The following CTPS1 variants were observed in gnomAD, a reference collection of about 807,000 sequenced individuals.
The protein encoded by CTPS1 is CTP synthase 1.
Under a neutral mutation model 80.5 loss-of-function variants are expected in CTPS1, and 25 were observed. The ratio of observed to expected loss-of-function variants is 0.31; its 90% CI spans 0.23 to 0.43. CTPS1 has a LOEUF of 0.43. Ranked by LOEUF, CTPS1 falls within the 20% of genes least tolerant of loss-of-function variation. CTPS1 has a pLI of 1.00. For synonymous variants in CTPS1, 267 were observed against 252.5 expected, an observed-to-expected ratio of 1.06 and a Z score of -0.54; for missense variants, 442 against 725.7, an observed-to-expected ratio of 0.61 and a Z score of 4.49.
chr1:40,994,646 A>G (rs1642706580), intron 7 of CTPS1, among the ~76,000 whole-genome samples: 1 of 152,092 alleles, frequency 6.6e-6, no homozygotes, highest in African/African-American at 2.4e-5. Context: ...TTCAGTGGCA[A>G]CCGCTTCTTG....
At position 40,988,833 on chromosome 1, in the gene CTPS1, A is replaced by G. The variant is rs1290038053; in HGVS notation, c.555+123A>G. ...TTGAGGTGCAGGAAGCAGAGAATAAAGAACTTTGTAAGTTTAAATTTGTTA... is the reference window on the plus strand; with the variant it reads ...TTGAGGTGCAGGAAGCAGAGAATAAGGAACTTTGTAAGTTTAAATTTGTTA... On this transcript the variant is annotated intron_variant, in intron 5 of 18. Transcript: ENST00000650070. 4.5e-6 allele frequency: 3 copies of G among 670,998 alleles called. No individual in the cohort carries two copies. In the South Asian group the frequency reaches 5.6e-5, roughly 12 times the overall value. 41.6% of individuals were successfully genotyped at this position (670,998 alleles called of 1,614,324 possible). A position where few individuals can be genotyped will look rare whatever the true frequency, so the allele number is the denominator to read the frequency against.
At chr1:40,985,864 CA>C (rs1331632982) in intron 3 of CTPS1, among the ~76,000 whole-genome samples, 1 of 152,082 alleles carries the variant, frequency 6.6e-6, no homozygotes, top group Non-Finnish European at 1.5e-5. Context: ...AAAATGGAGA[CA>C]ATAACAACAC....
At chr1:40,984,777 A>C in intron 2 of CTPS1, 44 bp from the exon 3 acceptor site, 2 of 1,389,624 alleles carry the variant, frequency 1.4e-6, no homozygotes, top group Non-Finnish European at 1.9e-6. Flanking sequence ...GCCATGGTAT[A>C]GGTATTTTTC....
At chr1:41,003,583 A>C (rs1274778675) in intron 12 of CTPS1, among the ~76,000 whole-genome samples, 1 of 152,222 alleles carries the variant, frequency 6.6e-6, no homozygotes, top group East Asian at 1.9e-4. Flanking sequence ...GATTTTAAGC[A>C]ATTTACTTAG....
At chr1:41,009,238 C>T (rs1310138008) in intron 16 of CTPS1, among the ~76,000 whole-genome samples, 1 of 152,202 alleles carries the variant, frequency 6.6e-6, no homozygotes, top group Non-Finnish European at 1.5e-5. Flanking sequence ...AGGAGGCCTT[C>T]AGCCAGGAGG....
chr1:40,982,618 G>A (rs994763551), intron 1 of CTPS1, among the ~76,000 whole-genome samples: 1 of 152,136 alleles, frequency 6.6e-6, no homozygotes, highest in African/African-American at 2.4e-5. Flanking sequence ...TCGAACTCCT[G>A]ACCTCAAGTG....
At chr1:40,998,029 C>A (rs1642799240) in intron 9 of CTPS1, among the ~76,000 whole-genome samples, 1 of 152,134 alleles carries the variant, frequency 6.6e-6, no homozygotes, top group Non-Finnish European at 1.5e-5. Flanking sequence ...CCATGGCGGG[C>A]AGCAGCTGAG....
intron 12 of CTPS1, among the ~76,000 whole-genome samples, chr1:41,005,479 C>T (rs942354141): frequency 7.3e-5 from 11 of 151,672 alleles, no homozygotes; most frequent in African/African-American, 2.7e-4. Flanking sequence ...GTCAAAGATA[C>T]AGTATCTAAT....
At chr1:41,010,066 A>C in intron 17 of CTPS1, 95 bp from the exon 18 acceptor site, 1 of 734,234 alleles carries the variant, frequency 1.4e-6, no homozygotes, top group South Asian at 1.7e-5. Flanking sequence ...TGCCATGTGC[A>C]GGCAAGTGTC....
At chr1:41,003,229 A>AT in intron 12 of CTPS1, 53 bp downstream of exon 12, 1 of 1,599,058 alleles carries the variant, frequency 6.3e-7, no homozygotes, top group South Asian at 1.1e-5. Context: ...TTTCTGGAGG[A>AT]TATGAGGCCT....
intron 1 of CTPS1, chr1:40,982,086 TG>T: frequency 1.0e-6 from 1 of 975,470 alleles, no homozygotes; most frequent in Non-Finnish European, 1.4e-6. Flanking sequence ...CCTCTGAAGC[TG>T]GGGACCAGTG....
intron 11 of CTPS1, 55 bp downstream of exon 11, chr1:41,002,309 G>T (rs1478355641): frequency 7.1e-7 from 1 of 1,417,766 alleles, no homozygotes; most frequent in Non-Finnish European, 1.0e-6. Context: ...GTGGGGAACG[G>T]TGCCACGTGG....
At chr1:40,983,244 C>T (rs746497507) in intron 1 of CTPS1, 34 bp from the exon 2 acceptor site, 20 of 1,583,184 alleles carry the variant, frequency 1.3e-5, no homozygotes, top group Non-Finnish European at 1.6e-5. Flanking sequence ...TGTTGAGATA[C>T]ATTTATATCA....
At chr1:40,983,527 C>T (rs541236235) in intron 2 of CTPS1, 71 bp downstream of exon 2, 20 of 1,294,026 alleles carry the variant, frequency 1.5e-5, no homozygotes, top group South Asian at 9.2e-5. Context: ...ATTATGTGCA[C>T]GGTTTGCATA....
At position 41,002,617 on chromosome 1, in the gene CTPS1, A is replaced by C. The variant is rs142174107; in HGVS notation, c.1189+363A>C. Among the ~76,000 whole-genome samples the C allele has an allele frequency of 3.0e-4, 46 of 152,336 alleles. 1 individual carries two copies. In the Middle Eastern group the frequency reaches 0.024, roughly 79 times the overall value. ...TTTTGCATGCCTCCTGGTGCTGTACATTTTAGTAATTTTCAACTTGAACAA... is the reference window on the plus strand; with the variant it reads ...TTTTGCATGCCTCCTGGTGCTGTACCTTTTAGTAATTTTCAACTTGAACAA... On this transcript the variant is annotated intron_variant, in intron 11 of 18. Transcript: ENST00000650070.
chr1:41,001,423 G>C (rs143645615), intron 10 of CTPS1: 1 of 279,846 alleles, frequency 3.6e-6, no homozygotes, highest in African/African-American at 2.3e-5. Context: ...CAGTTGTTTT[G>C]GCAGCTGTTA....
intron 3 of CTPS1, among the ~76,000 whole-genome samples, chr1:40,985,928 T>C (rs950321436): frequency 6.6e-6 from 1 of 152,240 alleles, no homozygotes; most frequent in Admixed American, 6.5e-5. Context: ...CAGTGAAGTG[T>C]TTCCCTGACT....
At chr1:40,986,686 C>G (rs1642461478) in intron 3 of CTPS1, among the ~76,000 whole-genome samples, 1 of 152,198 alleles carries the variant, frequency 6.6e-6, no homozygotes, top group Non-Finnish European at 1.5e-5. Flanking sequence ...TGCCCAACAA[C>G]TATGATTTTT....
intron 5 of CTPS1, among the ~76,000 whole-genome samples, chr1:40,990,078 C>A (rs6600363): frequency 6.6e-6 from 1 of 152,140 alleles, no homozygotes; most frequent in Admixed American, 6.6e-5. Flanking sequence ...AACCTACCCC[C>A]CCGTATTTGG....
Sources: gnomAD v4.1 joint callset for allele counts (sites outside exome capture counted in the v4.1 genomes callset) on GRCh38, gnomAD v4.1.1 for gene constraint, MANE v1.5 for transcripts, NCBI Gene and HGNC (gene_info 2026-07-23, HGNC 2026-07-21) for gene names.